Variants in TJP1 observed in about 807,000 individuals in gnomAD.
The protein encoded by TJP1 is tight junction protein 1.
A neutral mutation model predicts 194.2 loss-of-function variants in TJP1; 43 were observed. That is an observed-to-expected ratio of 0.22 (90% confidence interval 0.17 to 0.29). The LOEUF is 0.29. TJP1 is among the 10% of genes least tolerant of loss of function. The probability of loss-of-function intolerance (pLI) is 1.00; values close to 1 mark genes in which losing one functional copy is unlikely to be tolerated. For missense variants in TJP1, 1,971 were observed against 2,185.7 expected (o/e 0.90, Z 1.96); for synonymous variants, 801 against 779.0 (o/e 1.03, Z -0.47).
intron 2 of TJP1, among the ~76,000 whole-genome samples, chr15:29,922,270 T>A (rs566682726): frequency 1.4e-4 from 21 of 152,194 alleles, no homozygotes; most frequent in African/African-American, 5.1e-4. Context: ...ACTGCTTGAG[T>A]CTAGGAGTTT....
At chr15:29,737,209 T>G in intron 11 of TJP1, 55 bp downstream of exon 11, 1 of 1,582,396 alleles carries the variant, frequency 6.3e-7, no homozygotes. Flanking sequence ...GTTTGATACC[T>G]TTTTCTGGTG....
At position 29,701,392 on chromosome 15, in the gene TJP1, T is replaced by C. The variant is rs564882839; in HGVS notation, c.*203A>G. Reference sequence around the variant, plus strand: ...CCTCTAGCCAATACCAACAGTCCCGTCAATCACAAACATGCAGTGTGTAGC... The same window carrying C: ...CCTCTAGCCAATACCAACAGTCCCGCCAATCACAAACATGCAGTGTGTAGC... On this transcript the variant is annotated 3_prime_UTR_variant, in exon 28 of 28. Coordinates refer to ENST00000614355, the MANE Select transcript of TJP1 (RefSeq NM_001330239.4). 159 of 455,446 alleles carry C rather than the reference T, an allele frequency of 3.5e-4. No individual in the cohort carries two copies. The South Asian group carries it at 9.1e-3, about 26-fold the overall frequency. The allele number at this position is 455,446 out of a possible 1,614,324, so 28.2% of individuals were successfully genotyped here.
intron 4 of TJP1, among the ~76,000 whole-genome samples, chr15:29,769,033 C>T (rs1182388993): frequency 6.6e-6 from 1 of 152,016 alleles, no homozygotes; most frequent in Non-Finnish European, 1.5e-5. Flanking sequence ...AAAATGAAAA[C>T]ATTTCAATGT....
At chr15:29,922,077 C>T (rs1260777034) in intron 2 of TJP1, among the ~76,000 whole-genome samples, 1 of 152,126 alleles carries the variant, frequency 6.6e-6, no homozygotes, top group African/African-American at 2.4e-5. Context: ...AAACTCCTGA[C>T]CTTAGATGAT....
chr15:29,924,854 G>C (rs2054477663), intron 2 of TJP1, among the ~76,000 whole-genome samples: 1 of 152,218 alleles, frequency 6.6e-6, no homozygotes, highest in South Asian at 2.1e-4. Context: ...TGCTGGGAAT[G>C]CTGGTAGGGG....
intron 2 of TJP1, chr15:29,956,196 T>C (rs2055934661): frequency 2.6e-6 from 3 of 1,175,944 alleles, no homozygotes; most frequent in Admixed American, 3.3e-5. Context: ...TCATACTCTT[T>C]GGAAAAATGA....
intron 2 of TJP1, among the ~76,000 whole-genome samples, chr15:29,955,592 T>C (rs1371982120): frequency 6.6e-6 from 1 of 150,530 alleles, no homozygotes; most frequent in Admixed American, 6.6e-5. Context: ...ATCTACAAAA[T>C]ATTAAAAAAC....
intron 2 of TJP1, among the ~76,000 whole-genome samples, chr15:29,912,621 G>A (rs2948554): frequency 0.21 from 31,223 of 147,892 alleles, 3,519 homozygotes; most frequent in Middle Eastern, 0.31. Context: ...CAGAAGTTAC[G>A]GGAGGAAGAG....
chr15:29,879,681 T>G (rs148673772), intron 2 of TJP1, among the ~76,000 whole-genome samples: 65 of 151,660 alleles, frequency 4.3e-4, no homozygotes, highest in African/African-American at 1.5e-3. Flanking sequence ...ATCAGGTGTG[T>G]GCACTTTCGC....
chr15:29,874,546 C>T (rs958644665), intron 2 of TJP1, among the ~76,000 whole-genome samples: 5 of 152,132 alleles, frequency 3.3e-5, no homozygotes, highest in Non-Finnish European at 7.3e-5. Flanking sequence ...TAGAAGAAAC[C>T]TCAGCAAGTT....
At chr15:29,968,287 TG>T in intron 1 of TJP1, 1 of 985,362 alleles carries the variant, frequency 1.0e-6, no homozygotes, top group Admixed American at 6.1e-5. Context: ...ATTCTTCTGC[TG>T]TCTCCGCGAG....
At chr15:29,704,491 C>T (rs932804789) in intron 26 of TJP1, among the ~76,000 whole-genome samples, 186 bp from the exon 27 acceptor site, 1 of 152,220 alleles carries the variant, frequency 6.6e-6, no homozygotes, top group Non-Finnish European at 1.5e-5. Flanking sequence ...CCAGTAGCCA[C>T]GTTAGAAAGT....
intron 2 of TJP1, among the ~76,000 whole-genome samples, chr15:29,904,716 C>G (rs1392158657): frequency 3.3e-5 from 5 of 152,140 alleles, no homozygotes; most frequent in African/African-American, 1.2e-4. Flanking sequence ...CAGTATTCCT[C>G]AAAATTCATG....
intron 8 of TJP1, among the ~76,000 whole-genome samples, chr15:29,757,474 T>C (rs1316038922): frequency 1.3e-5 from 2 of 152,222 alleles, no homozygotes; most frequent in African/African-American, 4.8e-5. Flanking sequence ...TTTAGTGTTT[T>C]TTTACACTAG....
chr15:29,950,119 A>C (rs371436968), intron 2 of TJP1, among the ~76,000 whole-genome samples: 243 of 4,210 alleles, frequency 0.058, no homozygotes, highest in South Asian at 0.077. Flanking sequence ...CCACCTCCAC[A>C]ACCACCACCT....
intron 2 of TJP1, among the ~76,000 whole-genome samples, chr15:29,834,043 G>A (rs1411104662): frequency 1.4e-5 from 2 of 139,356 alleles, no homozygotes; most frequent in Non-Finnish European, 1.5e-5. Context: ...CACCACGCCC[G>A]GCTAATTTTT....
At chr15:29,967,848 T>G (rs555769363) in intron 1 of TJP1, among the ~76,000 whole-genome samples, 2 of 152,350 alleles carry the variant, frequency 1.3e-5, no homozygotes, top group Non-Finnish European at 2.9e-5. Context: ...CCACTAATTT[T>G]AAAATTAAAA....
chr15:29,812,917 A>G (rs2049628442), intron 1 of TJP1, among the ~76,000 whole-genome samples: 1 of 152,106 alleles, frequency 6.6e-6, no homozygotes, highest in Admixed American at 6.5e-5. Flanking sequence ...CTTGATTTTT[A>G]TAGGTGATAC....
At position 29,720,537 on chromosome 15, in the gene TJP1, G is replaced by C. The variant is rs370774822; in HGVS notation, c.2584C>G (p.Leu862Val). The change falls in exon 19 of 28, where the codon CTT (leucine) becomes GTT (valine). Residue 862 changes from leucine to valine, a missense_variant. By Grantham distance (32) the Leu-to-Val change is conservative. Around this residue, in one of 5 missense-constraint regions of TJP1, gnomAD observed 1,108 missense variants for 1,128.5 expected, o/e 0.98. Transcript: ENST00000614355. ...AYTDQELDET[L>V]NDEVGTPPES... ...GGTGGAGTCCCAACCTCATCATTAA[G>C]AGTTTCATCTAGTTCTTGATCAGTG... 4 of 1,614,014 alleles carry C rather than the reference G, an allele frequency of 2.5e-6. No homozygotes were observed. The African/African-American group carries it at 5.3e-5, about 22-fold the overall frequency.
Sources: gnomAD v4.1 joint callset for allele counts (sites outside exome capture counted in the v4.1 genomes callset) on GRCh38, gnomAD v4.1.1 for gene constraint, gnomAD v4.1.1 regional missense constraint, MANE v1.5 for transcripts, NCBI Gene and HGNC (gene_info 2026-07-23, HGNC 2026-07-21) for gene names.